LDLRAD4: variants seen among roughly 807,000 people sequenced by gnomAD.
LDLRAD4 encodes low-density lipoprotein receptor class A domain-containing protein 4.
LDLRAD4 carries 5 observed loss-of-function variants against 17.0 expected under a neutral mutation model. That is an observed-to-expected ratio of 0.29 (90% CI 0.15 to 0.62). The LOEUF is 0.62. LDLRAD4 is among the 20% of genes least tolerant of loss of function. The pLI is 0.84. For synonymous variants in LDLRAD4, 168 were observed against 171.8 expected, an observed-to-expected ratio of 0.98 and a Z score of 0.17; for missense variants, 340 against 424.7, an observed-to-expected ratio of 0.80 and a Z score of 1.75.
chr18:13,611,271 T>A (rs2039529338), intron 3 of LDLRAD4: 1 of 160,180 alleles, frequency 6.2e-6, no homozygotes, highest in Admixed American at 6.5e-5. Context: ...CAGCCAAAAC[T>A]ATTGTTATGG....
chr18:13,497,468 T>C (rs1047522993), intron 3 of LDLRAD4, among the ~76,000 whole-genome samples: 7 of 151,486 alleles, frequency 4.6e-5, no homozygotes, highest in Admixed American at 4.6e-4. Context: ...CCTGAGCCAC[T>C]GGGCCTGGCA....
chr18:13,418,793 C>CCT (rs2089176059), intron 2 of LDLRAD4, among the ~76,000 whole-genome samples: 1 of 152,144 alleles, frequency 6.6e-6, no homozygotes, highest in Non-Finnish European at 1.5e-5. Flanking sequence ...CTATGGAGAT[C>CCT]CAAGCATTGC....
At chr18:13,576,035 C>G (rs537801855) in intron 3 of LDLRAD4, among the ~76,000 whole-genome samples, 7 of 152,154 alleles carry the variant, frequency 4.6e-5, no homozygotes, top group Non-Finnish European at 7.3e-5. Flanking sequence ...TGTCTGTTTA[C>G]TCTGCTGACT....
intron 3 of LDLRAD4, among the ~76,000 whole-genome samples, chr18:13,532,195 T>C (rs372111990): frequency 1.3e-5 from 2 of 152,166 alleles, no homozygotes; most frequent in Admixed American, 6.5e-5. Flanking sequence ...CCGCCGTGCA[T>C]GCGGTGGACG....
chr18:13,412,114 A>T lies in LDLRAD4; in HGVS notation c.40+24352A>T, dbSNP rs536530648. Among the ~76,000 whole-genome samples, 10 of 152,314 alleles carry T rather than the reference A, an allele frequency of 6.6e-5. No homozygotes were observed. The South Asian group carries it at 1.9e-3, about 28-fold the overall frequency. On this transcript the variant is annotated intron_variant, in intron 2 of 5. Coordinates refer to ENST00000359446, the Ensembl canonical transcript of LDLRAD4. ...CCACCTCAGCCTCCCAAGTGTTGAG[A>T]TTACAGGGATGAGCCATCACGCCTG...
chr18:13,387,588 C>A (rs1376354300), exon 2 of LDLRAD4: 4 of 798,440 alleles, frequency 5.0e-6, no homozygotes, highest in African/African-American at 3.4e-5. Flanking sequence ...AGGTGGGCCG[C>A]GGATGCTCCC....
intron 3 of LDLRAD4, among the ~76,000 whole-genome samples, chr18:13,475,892 G>A (rs1165934683): frequency 6.6e-6 from 1 of 152,182 alleles, no homozygotes; most frequent in African/African-American, 2.4e-5. Context: ...ACATTGCAGA[G>A]GAACGAAAGA....
chr18:13,237,685 G>C (rs1050483359), intron 1 of LDLRAD4, among the ~76,000 whole-genome samples: 5 of 152,186 alleles, frequency 3.3e-5, no homozygotes, highest in Non-Finnish European at 7.3e-5. Context: ...TGACAGCCCT[G>C]CACCAGTCAC....
chr18:13,607,258 C>T (rs542245960), intron 3 of LDLRAD4, among the ~76,000 whole-genome samples: 3 of 152,244 alleles, frequency 2.0e-5, no homozygotes, highest in Admixed American at 1.3e-4. Context: ...CTCAGTTTCC[C>T]CATCTGTAAA....
chr18:13,270,846 A>T (rs943011003), intron 1 of LDLRAD4, among the ~76,000 whole-genome samples: 1 of 152,238 alleles, frequency 6.6e-6, no homozygotes, highest in Non-Finnish European at 1.5e-5. Context: ...TGTTTTTAGA[A>T]ATTAAAAAGT....
At position 13,622,832 on chromosome 18, in the gene LDLRAD4, C is replaced by T. The variant is rs910266309; in HGVS notation, c.336+1561C>T. Among the ~76,000 whole-genome samples the T allele has an allele frequency of 6.6e-6, 1 of 152,168 alleles. No individual in the cohort carries two copies. The highest frequency in any genetic ancestry group is 1.5e-5 in the Non-Finnish European group (1 of 68,028). On this transcript the variant is annotated intron_variant, in intron 4 of 5. Transcript: ENST00000359446. The surrounding 1 kb of genome is among the most constrained non-coding windows in gnomAD (Gnocchi z 5.3). ...AATGTATTACGGGCTGTGAACGCCA[C>T]CCCTGGACTTGGTGGAAACAAGCAC... is the stretch of plus-strand genomic sequence containing the variant.
At chr18:13,240,490 C>A (rs747083357) in intron 1 of LDLRAD4, 3 of 152,266 alleles carry the variant, frequency 2.0e-5, no homozygotes, top group African/African-American at 7.2e-5. Context: ...TGAGGTGCTC[C>A]AAGACAGCGT....
chr18:13,374,288 C>T (rs1482536549), intron 1 of LDLRAD4, among the ~76,000 whole-genome samples: 2 of 152,216 alleles, frequency 1.3e-5, no homozygotes, highest in Non-Finnish European at 2.9e-5. Context: ...CACACAGTCT[C>T]CTGTGGAGGC....
chr18:13,508,894 C>T (rs2093735650), intron 3 of LDLRAD4, among the ~76,000 whole-genome samples: 1 of 152,188 alleles, frequency 6.6e-6, no homozygotes, highest in Non-Finnish European at 1.5e-5. Context: ...GGTATAGCTG[C>T]TATAAATAGT....
At chr18:13,550,925 G>A (rs573547714) in intron 3 of LDLRAD4, among the ~76,000 whole-genome samples, 2 of 152,082 alleles carry the variant, frequency 1.3e-5, no homozygotes, top group Non-Finnish European at 2.9e-5. Flanking sequence ...CTGTCACCGT[G>A]GGCAGAGATG....
At chr18:13,223,458 C>T (rs1207077003) in intron 1 of LDLRAD4, among the ~76,000 whole-genome samples, 1 of 152,114 alleles carries the variant, frequency 6.6e-6, no homozygotes, top group Non-Finnish European at 1.5e-5. Context: ...TGGTACACTG[C>T]TGGCCTGGCT....
intron 3 of LDLRAD4, among the ~76,000 whole-genome samples, chr18:13,571,169 C>G (rs2094685361): frequency 6.6e-6 from 1 of 152,188 alleles, no homozygotes; most frequent in Admixed American, 6.5e-5. Flanking sequence ...TCCTCACACT[C>G]CCATATGCCT....
intron 1 of LDLRAD4, among the ~76,000 whole-genome samples, chr18:13,324,122 A>G (rs959961951): frequency 4.7e-5 from 7 of 150,024 alleles, no homozygotes; most frequent in African/African-American, 1.5e-4. Flanking sequence ...TCCATTAACC[A>G]TCTTGAGTTC....
At chr18:13,266,254 A>C (rs899045727) in intron 1 of LDLRAD4, among the ~76,000 whole-genome samples, 3 of 152,188 alleles carry the variant, frequency 2.0e-5, no homozygotes, top group African/African-American at 7.2e-5. Context: ...AACACAGAAG[A>C]TCATTTTGCT....
Sources: allele counts gnomAD v4.1 joint callset (sites outside exome capture counted in the v4.1 genomes callset), GRCh38; gene constraint gnomAD v4.1.1; non-coding constraint Gnocchi (gnomAD v3.1); transcripts MANE v1.5; gene names NCBI Gene and HGNC (gene_info 2026-07-23, HGNC 2026-07-21).